CTNNA1: variants seen among roughly 807,000 people sequenced by gnomAD.
The protein encoded by CTNNA1 is catenin alpha 1.
CTNNA1 carries 37 observed loss-of-function variants against 98.4 expected under a neutral mutation model. The ratio of observed to expected loss-of-function variants is 0.38; its 90% CI spans 0.29 to 0.49. The LOEUF (loss-of-function observed/expected upper bound fraction) is 0.49. Ranked by LOEUF, CTNNA1 falls within the 20% of genes least tolerant of loss-of-function variation. The pLI, the probability that CTNNA1 is intolerant of heterozygous loss-of-function variation, is 0.95. For synonymous variants in CTNNA1, 404 were observed against 413.2 expected, an observed-to-expected ratio of 0.98 and a Z score of 0.27; for missense variants, 761 against 1,147.2, an observed-to-expected ratio of 0.66 and a Z score of 4.86.
Position 138,873,486 on chromosome 5 carries a change from G to A in CTNNA1, c.1063-12726G>A. On this transcript the variant is annotated intron_variant, in intron 7 of 17. Coordinates refer to ENST00000302763, the MANE Select transcript of CTNNA1 (RefSeq NM_001903.5). The surrounding 1 kb of genome is among the most constrained non-coding windows in gnomAD (Gnocchi z 6.1). ...ACAGTGGTTGACAAATTCCAGCAGA[G>A]CTGAAATCCATGGACTGCATCTAGA... 6.2e-7 allele frequency: 1 copy of A among 1,613,986 alleles called. No individual in the cohort carries two copies. Among genetic ancestry groups the A allele is most frequent in the Non-Finnish European group, 8.5e-7 (1 of 1,179,882 alleles).
At chr5:138,871,923 C>T (rs2149923146) in intron 7 of CTNNA1, 1 of 152,032 alleles carries the variant, frequency 6.6e-6, no homozygotes, top group East Asian at 1.9e-4. Context: ...TTATTTTTAA[C>T]TTGGCTCTTT....
chr5:138,804,774 A>G (rs1001699157), intron 3 of CTNNA1, among the ~76,000 whole-genome samples: 22 of 152,144 alleles, frequency 1.4e-4, no homozygotes, highest in Middle Eastern at 3.2e-3. Context: ...TTGTGTAGCT[A>G]TGTATTAGGT....
At chr5:138,820,813 C>T (rs1561559972) in intron 5 of CTNNA1, among the ~76,000 whole-genome samples, 1 of 152,180 alleles carries the variant, frequency 6.6e-6, no homozygotes, top group Non-Finnish European at 1.5e-5. Flanking sequence ...CCTTTGTAAA[C>T]ATAAACTCAT....
intron 7 of CTNNA1, among the ~76,000 whole-genome samples, chr5:138,857,189 A>C (rs1194692254): frequency 6.6e-6 from 1 of 152,206 alleles, no homozygotes; most frequent in East Asian, 1.9e-4. Flanking sequence ...AAACAAGAAA[A>C]ATTGCCAGAA....
chr5:138,887,091 T>C (rs1331742648), intron 8 of CTNNA1, among the ~76,000 whole-genome samples: 2 of 152,162 alleles, frequency 1.3e-5, no homozygotes, highest in Admixed American at 1.3e-4. Context: ...GATAACTCTT[T>C]TTTCTCTCTT....
intron 1 of CTNNA1, chr5:138,754,165 C>T (rs891695848): frequency 6.6e-6 from 1 of 152,040 alleles, no homozygotes; most frequent in Non-Finnish European, 1.5e-5. Flanking sequence ...CTCAGCTTTC[C>T]TGGGTTTCTT....
chr5:138,931,980 G>A (rs1226772426), intron 16 of CTNNA1: 4 of 985,358 alleles, frequency 4.1e-6, no homozygotes, highest in African/African-American at 1.7e-5. Context: ...GAGATGTGGA[G>A]CGAGACAGGA....
At chr5:138,850,214 A>G (rs1244057321) in intron 7 of CTNNA1, among the ~76,000 whole-genome samples, 3 of 152,074 alleles carry the variant, frequency 2.0e-5, no homozygotes, top group Non-Finnish European at 4.4e-5. Flanking sequence ...ACCATCCGCA[A>G]TTTGTGCTCT....
At chr5:138,840,953 G>A (rs1051793832) in intron 7 of CTNNA1, among the ~76,000 whole-genome samples, 5 of 152,074 alleles carry the variant, frequency 3.3e-5, no homozygotes, top group Non-Finnish European at 7.4e-5. Flanking sequence ...TTCATGATGG[G>A]TAGTTCAGGT....
At chr5:138,929,131 T>G (rs1216489933) in intron 13 of CTNNA1, 115 bp from the exon 14 acceptor site, 9 of 767,000 alleles carry the variant, frequency 1.2e-5, no homozygotes, top group Non-Finnish European at 2.2e-5. Flanking sequence ...TTCAGAACAC[T>G]GCACATTAAA....
intron 7 of CTNNA1, among the ~76,000 whole-genome samples, chr5:138,838,386 T>C (rs2149810627): frequency 6.6e-6 from 1 of 152,382 alleles, no homozygotes; most frequent in Non-Finnish European, 1.5e-5. Flanking sequence ...CTTACTATCC[T>C]TCTACTGTTT....
intron 7 of CTNNA1, among the ~76,000 whole-genome samples, chr5:138,852,335 T>C (rs899951085): frequency 2.6e-5 from 4 of 152,036 alleles, no homozygotes; most frequent in Admixed American, 1.3e-4. Flanking sequence ...GCTTCCAGGC[T>C]CACCTCGAGG....
At chr5:138,841,894 T>G (rs940796884) in intron 7 of CTNNA1, among the ~76,000 whole-genome samples, 4 of 152,194 alleles carry the variant, frequency 2.6e-5, no homozygotes, top group Admixed American at 6.5e-5. Context: ...TAACCGTCCT[T>G]TAAATTTAAC....
chr5:138,843,929 T>C (rs920955824), intron 7 of CTNNA1, among the ~76,000 whole-genome samples: 4 of 152,358 alleles, frequency 2.6e-5, no homozygotes, highest in African/African-American at 7.2e-5. Context: ...TGCAGAATTT[T>C]CTTGGCTAAA....
chr5:138,931,107 G>A, intron 16 of CTNNA1, 172 bp downstream of exon 16: 1 of 600,360 alleles, frequency 1.7e-6, no homozygotes, highest in African/African-American at 1.9e-5. Context: ...GAGCGGATGT[G>A]TATGTCCTGG....
chr5:138,767,753 A>C (rs551136503), intron 1 of CTNNA1, among the ~76,000 whole-genome samples: 1 of 152,324 alleles, frequency 6.6e-6, no homozygotes, highest in East Asian at 1.9e-4. Context: ...GAGTCATTTG[A>C]AAGTAAACTG....
intron 17 of CTNNA1, among the ~76,000 whole-genome samples, chr5:138,933,451 C>T (rs1765846699): frequency 6.6e-6 from 1 of 152,148 alleles, no homozygotes; most frequent in South Asian, 2.1e-4. Context: ...CATAAACATC[C>T]CTGTCTCGAT....
chr5:138,892,797 C>T (rs1755756965), intron 9 of CTNNA1, among the ~76,000 whole-genome samples: 1 of 151,424 alleles, frequency 6.6e-6, no homozygotes, highest in African/African-American at 2.4e-5. Flanking sequence ...CAGGCAGATC[C>T]CCTGAGGTCA....
intron 7 of CTNNA1, among the ~76,000 whole-genome samples, chr5:138,832,888 T>A (rs1000349122): frequency 4.6e-5 from 7 of 152,248 alleles, no homozygotes; most frequent in Non-Finnish European, 8.8e-5. Flanking sequence ...CTGAGTTATT[T>A]CAGTGCTACT....
Sources: gnomAD v4.1 joint callset for allele counts (sites outside exome capture counted in the v4.1 genomes callset) on GRCh38, gnomAD v4.1.1 for gene constraint, Gnocchi (gnomAD v3.1) non-coding constraint, MANE v1.5 for transcripts, NCBI Gene and HGNC (gene_info 2026-07-23, HGNC 2026-07-21) for gene names.